The following SPTA1 variants were observed in gnomAD, a reference collection of about 807,000 sequenced individuals.
The protein encoded by SPTA1 is spectrin alpha chain, erythrocytic 1.
In SPTA1, 177 loss-of-function variants were observed where a neutral mutation model predicts 324.7. That is an observed-to-expected ratio of 0.55 (90% CI 0.48 to 0.62). The LOEUF (loss-of-function observed/expected upper bound fraction) is 0.62, where lower values mean the gene tolerates loss of function less well. Ranked by LOEUF, SPTA1 falls within the 20% of genes least tolerant of loss-of-function variation. SPTA1 has a pLI of 0.00. For missense variants in SPTA1, 3,162 were observed against 2,883.6 expected, an observed-to-expected ratio of 1.10 and a Z score of -2.21; for synonymous variants, 1,195 against 1,041.3, an observed-to-expected ratio of 1.15 and a Z score of -2.84.
chr1:158,643,998 A>C (rs1391123174), intron 30 of SPTA1, among the ~76,000 whole-genome samples: 1 of 151,930 alleles, frequency 6.6e-6, no homozygotes, highest in Non-Finnish European at 1.5e-5. Flanking sequence ...TTAGCTGGGC[A>C]TGGTGGTGGG....
intron 3 of SPTA1, among the ~76,000 whole-genome samples, chr1:158,681,958 T>C (rs748673776): frequency 3.3e-5 from 5 of 152,206 alleles, no homozygotes; most frequent in Non-Finnish European, 5.9e-5. Context: ...CATGGAAAAG[T>C]GTTCATTTGA....
intron 12 of SPTA1, among the ~76,000 whole-genome samples, chr1:158,670,820 T>C (rs1251485098): frequency 1.3e-5 from 2 of 152,146 alleles, no homozygotes; most frequent in African/African-American, 4.8e-5. Context: ...AGACAGTACT[T>C]AGATATCTAG....
At chr1:158,621,732 A>G (rs1047029042) in intron 43 of SPTA1, among the ~76,000 whole-genome samples, 4 of 152,208 alleles carry the variant, frequency 2.6e-5, no homozygotes, top group Non-Finnish European at 5.9e-5. Flanking sequence ...GTGGAAATTA[A>G]CTAAGACTCT....
intron 36 of SPTA1, 48 bp downstream of exon 36, chr1:158,637,985 A>G (rs1320784271): frequency 1.3e-6 from 2 of 1,591,684 alleles, no homozygotes; most frequent in Admixed American, 1.7e-5. Context: ...TTGGTGGATT[A>G]TCTACTCGCT....
chr1:158,622,939 TACA>T, intron 43 of SPTA1, 41 bp downstream of exon 43: 3 of 1,516,910 alleles, frequency 2.0e-6, no homozygotes, highest in Non-Finnish European at 2.7e-6. Context: ...ATGGCTAATA[TACA>T]GGTAACAGAG....
chr1:158,617,449 A>T, intron 47 of SPTA1, 88 bp downstream of exon 47: 15 of 1,069,598 alleles, frequency 1.4e-5, no homozygotes, highest in Non-Finnish European at 2.0e-5. Context: ...CATACCTAAA[A>T]GTATCACCTG....
chr1:158,620,086 C>T (rs902903288), intron 44 of SPTA1, 84 bp downstream of exon 44: 1 of 1,523,420 alleles, frequency 6.6e-7, no homozygotes, highest in East Asian at 2.3e-5. Flanking sequence ...AGTGTTCCTT[C>T]TATGTCAAAA....
intron 18 of SPTA1, among the ~76,000 whole-genome samples, chr1:158,660,560 A>T (rs1268874616): frequency 6.6e-6 from 1 of 152,246 alleles, no homozygotes; most frequent in East Asian, 1.9e-4. Context: ...AGAAGACAAA[A>T]TCTACAAGTA....
Position 158,620,328 on chromosome 1 carries a change from C to T in SPTA1, c.6259G>A (p.Asp2087Asn). Residue 2087 changes from aspartate (D) to asparagine (N), a missense_variant, in exon 44 of 52, where the codon GAC becomes AAC. Asp to Asn is a conservative substitution (Grantham distance 23). Transcript: ENST00000643759. ...GCCCTAGCCAGGGAGGCCAAGAAGT[C>T]CTCATGGTCTTTCTGCAGCTGCCGA... ...EIRQLQKDHE[D>N]FLASLARAQA... 1 of 1,614,120 alleles carries T rather than the reference C, an allele frequency of 6.2e-7. No homozygotes were observed.
chr1:158,658,875 A>C (rs907178993), intron 18 of SPTA1, among the ~76,000 whole-genome samples: 1 of 152,192 alleles, frequency 6.6e-6, no homozygotes, highest in African/African-American at 2.4e-5. Flanking sequence ...AGAAGTTGTC[A>C]ACCAAGAATT....
chr1:158,681,494 G>A lies in SPTA1; in HGVS notation c.531+33C>T, dbSNP rs1454460701. ...GGGTACCTGGGACAGAGGAGTGGGA[G>A]GCCCTGTGTGATTGCTGTTTTAAGT... On this transcript the variant is annotated intron_variant, in intron 4 of 51. Transcript: ENST00000643759. 2.5e-6 allele frequency: 4 copies of A among 1,613,188 alleles called. No homozygotes were observed. The African/African-American group carries it at 4.0e-5, about 16-fold the overall frequency.
At chr1:158,656,446 T>C (rs1409437076) in intron 20 of SPTA1, 118 bp downstream of exon 20, 1 of 897,732 alleles carries the variant, frequency 1.1e-6, no homozygotes, top group African/African-American at 1.6e-5. Context: ...TCATAGAACT[T>C]AGTGTTTTCT....
chr1:158,614,849 T>C (rs1649460744), intron 48 of SPTA1: 1 of 221,044 alleles, frequency 4.5e-6, no homozygotes, highest in South Asian at 8.5e-5. Flanking sequence ...TTCTGCTCTA[T>C]TTGGCCACAC....
intron 8 of SPTA1, among the ~76,000 whole-genome samples, chr1:158,675,578 A>G (rs138992352): frequency 1.2e-3 from 181 of 152,288 alleles, no homozygotes; most frequent in Non-Finnish European, 1.5e-3. Context: ...ACATTTTTTC[A>G]TATACCTATA....
At chr1:158,612,988 A>G in intron 50 of SPTA1, 27 bp from the exon 51 acceptor site, 1 of 1,612,786 alleles carries the variant, frequency 6.2e-7, no homozygotes, top group Non-Finnish European at 8.5e-7. Context: ...TCAGGAGCTG[A>G]GCCTTCTCAA....
At chr1:158,633,502 T>C (rs1266892091) in intron 39 of SPTA1, among the ~76,000 whole-genome samples, 1 of 151,098 alleles carries the variant, frequency 6.6e-6, no homozygotes, top group African/African-American at 2.4e-5. Context: ...CTACTAAAAA[T>C]ACAAAAAAAT....
chr1:158,657,327 C>A, intron 19 of SPTA1, 150 bp downstream of exon 19: 1 of 766,320 alleles, frequency 1.3e-6, no homozygotes, highest in Non-Finnish European at 2.3e-6. Context: ...CTGAGGGAGT[C>A]TCAGCAGATG....
chr1:158,635,805 G>A (rs1651024649), intron 38 of SPTA1, 108 bp downstream of exon 38: 3 of 1,514,656 alleles, frequency 2.0e-6, no homozygotes, highest in Non-Finnish European at 2.7e-6. Flanking sequence ...AGATAGATAG[G>A]TAGTTGGGGA....
chr1:158,673,164 CT>C (rs1654147638), intron 10 of SPTA1, among the ~76,000 whole-genome samples: 2 of 151,960 alleles, frequency 1.3e-5, no homozygotes, highest in African/African-American at 2.4e-5. Context: ...CCCAGGATAA[CT>C]GTTAAGTTTT....
Sources: gnomAD v4.1 joint callset for allele counts (sites outside exome capture counted in the v4.1 genomes callset) on GRCh38, gnomAD v4.1.1 for gene constraint, MANE v1.5 for transcripts, NCBI Gene and HGNC (gene_info 2026-07-23, HGNC 2026-07-21) for gene names.